MAGI2: variants seen among roughly 807,000 people sequenced by gnomAD.
MAGI2 encodes membrane-associated guanylate kinase, WW and PDZ domain-containing protein 2.
Under a neutral mutation model 133.3 loss-of-function variants are expected in MAGI2, and 35 were observed. The ratio of observed to expected loss-of-function variants is 0.26; its 90% CI spans 0.20 to 0.35. The LOEUF (loss-of-function observed/expected upper bound fraction) is 0.35, where lower values mean the gene tolerates loss of function less well. MAGI2 is among the 10% of genes least tolerant of loss of function. The pLI is 1.00. For synonymous variants in MAGI2, 729 were observed against 710.6 expected, an observed-to-expected ratio of 1.03 and a Z score of -0.41; for missense variants, 1,636 against 1,863.4, an observed-to-expected ratio of 0.88 and a Z score of 2.25.
intron 2 of MAGI2, among the ~76,000 whole-genome samples, chr7:78,740,216 A>C (rs1822280894): frequency 6.6e-6 from 1 of 151,778 alleles, no homozygotes; most frequent in South Asian, 2.1e-4. Flanking sequence ...TATCTCTATT[A>C]CTGGCCTTAT....
chr7:78,983,467 G>C (rs1279339448), intron 2 of MAGI2, among the ~76,000 whole-genome samples: 1 of 151,860 alleles, frequency 6.6e-6, no homozygotes. Context: ...TCTCTTTGGG[G>C]ATATTACAAT....
intron 1 of MAGI2, among the ~76,000 whole-genome samples, chr7:79,227,513 C>A (rs991879811): frequency 2.6e-5 from 4 of 152,114 alleles, no homozygotes; most frequent in African/African-American, 4.8e-5. Flanking sequence ...ATAATATATT[C>A]TTTTATTTTC....
intron 9 of MAGI2, among the ~76,000 whole-genome samples, chr7:78,342,565 C>G (rs549792845): frequency 1.1e-4 from 17 of 152,238 alleles, no homozygotes; most frequent in African/African-American, 4.1e-4. Flanking sequence ...AACCTAAATG[C>G]TCATCAATGA....
Position 78,947,432 on chromosome 7 carries a change from T to G in MAGI2, c.418+59658A>C, listed in dbSNP as rs553715392. Among the ~76,000 whole-genome samples, 27 of 152,294 alleles carry G rather than the reference T, an allele frequency of 1.8e-4. No homozygotes were observed. The East Asian group carries it at 5.2e-3, about 29-fold the overall frequency. ...GATTGAAACAAAGGAAAAGAAGAAC[T>G]GTGCTCATATTAATAAGCTACTTGA... On this transcript the variant is annotated intron_variant, in intron 2 of 21. Transcript: ENST00000354212.
At chr7:78,200,228 T>C (rs1360038908) in intron 11 of MAGI2, among the ~76,000 whole-genome samples, 1 of 152,156 alleles carries the variant, frequency 6.6e-6, no homozygotes, top group African/African-American at 2.4e-5. Flanking sequence ...GTTTCACATA[T>C]CCCAGTTAGG....
intron 1 of MAGI2, among the ~76,000 whole-genome samples, chr7:79,019,956 A>C (rs1249218601): frequency 6.6e-6 from 1 of 152,214 alleles, no homozygotes; most frequent in Non-Finnish European, 1.5e-5. Flanking sequence ...GCAAATTTGG[A>C]AATGGGTAAA....
chr7:79,368,838 A>T (rs1046240527), intron 1 of MAGI2, among the ~76,000 whole-genome samples: 2 of 125,200 alleles, frequency 1.6e-5, no homozygotes, highest in African/African-American at 6.2e-5. Flanking sequence ...ACAGAGCGAG[A>T]CTCCGTCTCA....
At chr7:79,087,089 A>T (rs1297233827) in intron 1 of MAGI2, among the ~76,000 whole-genome samples, 1 of 151,846 alleles carries the variant, frequency 6.6e-6, no homozygotes, top group Non-Finnish European at 1.5e-5. Flanking sequence ...ATACTCTACC[A>T]TTTCCCTTCA....
At chr7:78,811,519 A>G (rs1041505599) in intron 2 of MAGI2, among the ~76,000 whole-genome samples, 1 of 152,178 alleles carries the variant, frequency 6.6e-6, no homozygotes, top group Non-Finnish European at 1.5e-5. Flanking sequence ...TTGGGAAAAA[A>G]TCATATATTC....
chr7:78,872,151 T>A (rs1795085644), intron 2 of MAGI2, among the ~76,000 whole-genome samples: 1 of 150,896 alleles, frequency 6.6e-6, no homozygotes, highest in African/African-American at 2.4e-5. Context: ...AATTTTTTTC[T>A]CTAGAGATTC....
chr7:79,413,605 C>G (rs769892412), intron 1 of MAGI2: 4 of 152,180 alleles, frequency 2.6e-5, no homozygotes, highest in Non-Finnish European at 5.9e-5. Flanking sequence ...AAAGAGCCAA[C>G]TGCACTGCCT....
intron 9 of MAGI2, among the ~76,000 whole-genome samples, chr7:78,334,828 A>G (rs1392911321): frequency 1.3e-5 from 2 of 152,214 alleles, no homozygotes; most frequent in Non-Finnish European, 2.9e-5. Flanking sequence ...AGCAATGAAG[A>G]GCCCCAGAGA....
intron 6 of MAGI2, among the ~76,000 whole-genome samples, chr7:78,395,610 G>A (rs1454703309): frequency 2.6e-5 from 4 of 152,252 alleles, no homozygotes; most frequent in Admixed American, 1.3e-4. Context: ...CTGTAATTCA[G>A]CAGTATAGAT....
chr7:78,779,964 T>C (rs1209502766), intron 2 of MAGI2, among the ~76,000 whole-genome samples: 1 of 152,214 alleles, frequency 6.6e-6, no homozygotes, highest in Non-Finnish European at 1.5e-5. Flanking sequence ...CCCCAGGTAC[T>C]TTTTACTGCA....
At chr7:78,777,929 T>G (rs1050589270) in intron 2 of MAGI2, among the ~76,000 whole-genome samples, 1 of 152,166 alleles carries the variant, frequency 6.6e-6, no homozygotes, top group Non-Finnish European at 1.5e-5. Flanking sequence ...TCATCATATA[T>G]TAACAATCCA....
intron 1 of MAGI2, among the ~76,000 whole-genome samples, chr7:79,018,506 G>A (rs565690811): frequency 2.4e-4 from 36 of 152,124 alleles, no homozygotes; most frequent in Non-Finnish European, 3.2e-4. Context: ...GCATAATTAC[G>A]AGCTAACAAC....
At chr7:78,324,787 C>T (rs1047064238) in intron 9 of MAGI2, among the ~76,000 whole-genome samples, 1 of 152,040 alleles carries the variant, frequency 6.6e-6, no homozygotes, top group African/African-American at 2.4e-5. Context: ...ATGGTGACTC[C>T]CTGTCTCTAG....
At chr7:78,677,082 A>AT (rs1227049478) in intron 2 of MAGI2, among the ~76,000 whole-genome samples, 3 of 151,830 alleles carry the variant, frequency 2.0e-5, no homozygotes, top group African/African-American at 7.3e-5. Context: ...CTTTTCTCTA[A>AT]TTTTCATACC....
At chr7:78,591,837 CAAGAT>C (rs1323698421) in intron 3 of MAGI2, among the ~76,000 whole-genome samples, 3 of 151,886 alleles carry the variant, frequency 2.0e-5, no homozygotes, top group Non-Finnish European at 2.9e-5. Flanking sequence ...AGGGAAAGAC[CAAGAT>C]AAGAACATAA....
Sources: allele counts gnomAD v4.1 joint callset (sites outside exome capture counted in the v4.1 genomes callset), GRCh38; gene constraint gnomAD v4.1.1; transcripts MANE v1.5; gene names NCBI Gene and HGNC (gene_info 2026-07-23, HGNC 2026-07-21).